Variants in LRRK1 observed in about 807,000 individuals in gnomAD.
The protein encoded by LRRK1 is leucine rich repeat kinase 1.
A neutral mutation model predicts 209.1 loss-of-function variants in LRRK1; 113 were observed. That is an observed-to-expected ratio of 0.54 (90% CI 0.46 to 0.63). The LOEUF is 0.63. LRRK1 is among the 30% of genes least tolerant of loss of function. The probability of loss-of-function intolerance (pLI) is 0.00; values close to 1 mark genes in which losing one functional copy is unlikely to be tolerated. For synonymous variants in LRRK1, 1,144 were observed against 1,099.7 expected (o/e 1.04, Z -0.80); for missense variants, 2,284 against 2,632.2 (o/e 0.87, Z 2.89).
intron 2 of LRRK1, among the ~76,000 whole-genome samples, chr15:100,939,305 C>T (rs945455476): frequency 6.6e-6 from 1 of 152,132 alleles, no homozygotes; most frequent in Non-Finnish European, 1.5e-5. Context: ...GTTGATAAAG[C>T]CATATTGTTT....
rs771100963 is a variant in LRRK1 at position 101,045,984 on chromosome 15, C to T, written c.2967C>T (p.Tyr989=). Residue 989 remains tyrosine (Y), a synonymous_variant, in exon 21 of 34, where the codon TAC becomes TAT. Transcript: ENST00000388948. The stretch of plus-strand genomic sequence containing the variant: ...AGTCCCCCTTGGTGTGTTTCAGCTA[C>T]CTCCTGCCCCATCTCCTTCCATCTA... ...EIALPVANDS[Y]LLPHLLPSKP... is the part of the protein sequence containing the mutation. 1.2e-6 allele frequency: 2 copies of T among 1,614,152 alleles called. No homozygotes were observed. Among genetic ancestry groups the T allele is most frequent in the Non-Finnish European group, 1.7e-6 (2 of 1,179,976 alleles).
chr15:101,058,007 G>A lies in LRRK1; in HGVS notation c.4545G>A (p.Ser1515=), dbSNP rs373072195. 7.6e-5 allele frequency: 123 copies of A among 1,614,154 alleles called. 2 individuals are homozygous for A. The highest frequency in any genetic ancestry group is 4.4e-4 in the African/African-American group (33 of 75,032). The change falls in exon 29 of 34, where the codon TCG becomes TCA. Residue 1515 remains serine (S), a synonymous_variant. Transcript: ENST00000388948. Reference sequence around the variant, plus strand: ...TCCCTCAGCGACCGCTGGCCCTGTCGGTGGTGAGCCAGATGAAGGACCCGA... The same window carrying A: ...TCCCTCAGCGACCGCTGGCCCTGTCAGTGGTGAGCCAGATGAAGGACCCGA... ...TKPEKRPLAL[S]VVSQMKDPTF...
At chr15:101,035,530 A>G (rs772355296) in intron 20 of LRRK1, among the ~76,000 whole-genome samples, 17 of 152,092 alleles carry the variant, frequency 1.1e-4, no homozygotes, top group Admixed American at 9.2e-4. Context: ...CTTTCAGTCT[A>G]TGTGTGTCTT....
At chr15:101,061,860 A>C (rs1383903849) in intron 30 of LRRK1, among the ~76,000 whole-genome samples, 1 of 152,186 alleles carries the variant, frequency 6.6e-6, no homozygotes. Context: ...AAATACAAAA[A>C]TTAGCTGGGC....
intron 2 of LRRK1, among the ~76,000 whole-genome samples, chr15:100,964,336 G>A (rs1003759981): frequency 6.6e-5 from 10 of 152,184 alleles, no homozygotes; most frequent in African/African-American, 2.2e-4. Flanking sequence ...AGATGTAAAC[G>A]GCTGCTGATG....
rs770791811 is a variant in LRRK1 at position 101,065,416 on chromosome 15, G to A, written c.4979G>A (p.Gly1660Asp). 60 of 1,614,124 alleles carry A rather than the reference G, an allele frequency of 3.7e-5. 1 individual carries two copies. The South Asian group carries it at 5.2e-4, about 14-fold the overall frequency. Residue 1660 changes from glycine to aspartate, a missense_variant, in exon 32 of 34, where the codon GGC becomes GAC. Gly to Asp is a moderately conservative substitution (Grantham distance 94). Transcript: ENST00000388948. ...GLVAVFPVVRGTPKDSCSYLC... is the reference protein window; with the variant it reads ...GLVAVFPVVRDTPKDSCSYLC... ...GTGGCTGTGTTTCCCGTGGTGCGGG[G>A]CACCCCAAAGGACAGCTGCTCCTAC...
rs1301904566 is a variant in LRRK1, at chr15:101,066,673, G to A, written c.5802G>A (p.Glu1934=). The A allele has an allele frequency of 5.0e-6, 8 of 1,614,120 alleles. No individual in the cohort carries two copies. Among genetic ancestry groups the A allele is most frequent in the African/African-American group, 1.3e-5 (1 of 74,928 alleles). The change falls in exon 33 of 34, where the codon GAG becomes GAA. Residue 1934 remains glutamate, a synonymous_variant. Coordinates refer to ENST00000388948, the MANE Select transcript of LRRK1 (RefSeq NM_024652.6). ...RGGDVIVIGL[E]KDSGAQRGRV... is the part of the protein sequence containing the mutation. ...GAGATGTTATCGTCATTGGCCTGGA[G>A]AAGGATTCTGGCGCCCAGCGGGGCC...
intron 31 of LRRK1, chr15:101,065,103 C>T: frequency 1.8e-6 from 1 of 561,698 alleles, no homozygotes; most frequent in Non-Finnish European, 3.2e-6. Flanking sequence ...CTTGGTGCCA[C>T]AGGCCCTGCC....
chr15:101,054,225 T>A lies in LRRK1; in HGVS notation c.4055-721T>A, dbSNP rs544787652. ...GTGAGCTCAGTCGATCCCCCCACTTTAGCCTCCCAAAGTGCTGGAATCACC... is the reference window on the plus strand; with the variant it reads ...GTGAGCTCAGTCGATCCCCCCACTTAAGCCTCCCAAAGTGCTGGAATCACC... On this transcript the variant is annotated intron_variant, in intron 26 of 33. Transcript: ENST00000388948. 3.3e-3 allele frequency among the ~76,000 whole-genome samples: 499 copies of A among 152,284 alleles called. 3 individuals carry two copies. The highest frequency in any genetic ancestry group is 0.012 in the African/African-American group (484 of 41,564).
At chr15:101,028,550 G>A (rs2034144951) in intron 19 of LRRK1, among the ~76,000 whole-genome samples, 1 of 152,232 alleles carries the variant, frequency 6.6e-6, no homozygotes, top group African/African-American at 2.4e-5. Flanking sequence ...CATGAGAGCT[G>A]AGAGAGTTGT....
At position 100,926,884 on chromosome 15, in the gene LRRK1, C is replaced by T. The variant is rs147244779; in HGVS notation, c.97+2155C>T. Among the ~76,000 whole-genome samples the T allele has an allele frequency of 7.1e-3, 1,086 of 152,116 alleles. 4 individuals are homozygous for T. Among genetic ancestry groups the T allele is most frequent in the Non-Finnish European group, 0.012 (792 of 67,982 alleles). ...ATTTTTAGTAGAGACGAAGTTTCAC[C>T]ATGTTGGCCAGGCTGGTCTAGAATT... On this transcript the variant is annotated intron_variant, in intron 2 of 33. Transcript: ENST00000388948.
At chr15:100,971,767 G>A (rs547358416) in intron 2 of LRRK1, among the ~76,000 whole-genome samples, 9 of 151,906 alleles carry the variant, frequency 5.9e-5, no homozygotes, top group East Asian at 1.9e-4. Context: ...ACTTCTGTTC[G>A]TCCTCCCTGC....
intron 12 of LRRK1, among the ~76,000 whole-genome samples, chr15:101,016,732 C>T (rs1377078580): frequency 6.6e-6 from 1 of 152,300 alleles, no homozygotes; most frequent in East Asian, 1.9e-4. Flanking sequence ...GACTGTGGGA[C>T]TTCAGCCCTG....
intron 4 of LRRK1, among the ~76,000 whole-genome samples, chr15:100,984,436 C>T (rs796241589): frequency 1.3e-5 from 2 of 152,274 alleles, no homozygotes; most frequent in African/African-American, 4.8e-5. Flanking sequence ...AGAGCAGTTT[C>T]ACTGCCCTAA....
At chr15:101,052,106 A>G in intron 24 of LRRK1, 146 bp downstream of exon 24, 2 of 966,470 alleles carry the variant, frequency 2.1e-6, no homozygotes, top group South Asian at 3.4e-5. Context: ...AGTACCTTTT[A>G]GGTTCCCATC....
intron 29 of LRRK1, among the ~76,000 whole-genome samples, chr15:101,059,397 C>T (rs970606407): frequency 5.3e-5 from 8 of 150,840 alleles, no homozygotes. Flanking sequence ...GACCCTGCCT[C>T]AGAAAAAAAG....
intron 4 of LRRK1, among the ~76,000 whole-genome samples, chr15:100,985,114 G>A (rs533933987): frequency 4.7e-5 from 7 of 150,452 alleles, no homozygotes; most frequent in Middle Eastern, 6.8e-3. Context: ...TGTGCTCAGC[G>A]TTGGTTCCAA....
At chr15:100,941,470 G>GTGTCTGTGTGTCTGTGTGTGTCTATGTC (rs1368754983) in intron 2 of LRRK1, among the ~76,000 whole-genome samples, 26 of 64,094 alleles carry the variant, frequency 4.1e-4, no homozygotes, top group Middle Eastern at 0.01. Context: ...GTCTCTGTGT[G>GTGTCTGTGTGTCTGTGTGTGTCTATGTC]TGTGTGTGTG....
At chr15:101,010,422 T>C in intron 7 of LRRK1, 28 bp from the exon 8 acceptor site, 1 of 1,594,240 alleles carries the variant, frequency 6.3e-7, no homozygotes, top group Non-Finnish European at 8.5e-7. Flanking sequence ...TTTATTCTGA[T>C]GCCTGCCTTC....
Sources: allele counts gnomAD v4.1 joint callset (sites outside exome capture counted in the v4.1 genomes callset), GRCh38; gene constraint gnomAD v4.1.1; transcripts MANE v1.5; gene names NCBI Gene and HGNC (gene_info 2026-07-23, HGNC 2026-07-21).